MAST4: variants seen among roughly 807,000 people sequenced by gnomAD.
MAST4 encodes microtubule associated serine/threonine kinase family member 4, also known as microtubule-associated serine/threonine-protein kinase 4.
A neutral mutation model predicts 162.7 loss-of-function variants in MAST4; 89 were observed. The observed-to-expected ratio is 0.55, with a 90% confidence interval of 0.46 to 0.65. MAST4 has a LOEUF of 0.65. Ranked by LOEUF, MAST4 falls within the 30% of genes least tolerant of loss-of-function variation. MAST4 has a pLI of 0.00. For synonymous variants in MAST4, 1,479 were observed against 1,361.1 expected, an observed-to-expected ratio of 1.09 and a Z score of -1.91; for missense variants, 3,153 against 3,374.0, an observed-to-expected ratio of 0.93 and a Z score of 1.62.
rs551935921 is a variant in MAST4 at position 66,621,616 on chromosome 5, T to TA, written c.363+24605dup. On this transcript the variant is annotated intron_variant, in intron 1 of 28. Coordinates refer to ENST00000403625, the MANE Select transcript of MAST4 (RefSeq NM_001164664.2). The stretch of plus-strand genomic sequence containing the variant: ...TTGCATATTTCACAATAAAAATGGT[T>TA]AAAAAAAGTCACTAGTGTATTCTAG... Among the ~76,000 whole-genome samples, 330 of 152,272 alleles carry TA rather than the reference T, an allele frequency of 2.2e-3. 2 individuals carry two copies. Among genetic ancestry groups the TA allele is most frequent in the African/African-American group, 7.5e-3 (310 of 41,554 alleles).
chr5:66,808,713 C>T (rs1283330192), intron 3 of MAST4, among the ~76,000 whole-genome samples: 1 of 152,124 alleles, frequency 6.6e-6, no homozygotes, highest in Non-Finnish European at 1.5e-5. Flanking sequence ...TTTGGTAGTG[C>T]CTGATCCCGT....
At chr5:66,698,010 A>G (rs1357889818) in intron 1 of MAST4, among the ~76,000 whole-genome samples, 3 of 148,908 alleles carry the variant, frequency 2.0e-5, no homozygotes, top group Non-Finnish European at 4.5e-5. Context: ...CTGTCCTTCC[A>G]CTCGTGTGTA....
chr5:66,898,282 A>T (rs1193326993), intron 3 of MAST4, among the ~76,000 whole-genome samples: 1 of 152,176 alleles, frequency 6.6e-6, no homozygotes, highest in African/African-American at 2.4e-5. Flanking sequence ...ACCTCATCCT[A>T]AAAATAAATA....
At chr5:67,133,486 T>C in intron 16 of MAST4, 28 bp from the exon 17 acceptor site, 1 of 1,610,448 alleles carries the variant, frequency 6.2e-7, no homozygotes, top group Non-Finnish European at 8.5e-7. Context: ...AAAGTGATTA[T>C]TGTGTTACAT....
intron 2 of MAST4, among the ~76,000 whole-genome samples, chr5:66,761,091 A>T (rs1165117809): frequency 6.6e-6 from 1 of 152,232 alleles, no homozygotes; most frequent in Non-Finnish European, 1.5e-5. Flanking sequence ...TGCCAGTTTT[A>T]AAAATTTTAG....
chr5:66,942,358 G>A (rs1449481080), intron 4 of MAST4, among the ~76,000 whole-genome samples: 1 of 152,154 alleles, frequency 6.6e-6, no homozygotes, highest in Non-Finnish European at 1.5e-5. Flanking sequence ...GTATGTGCAT[G>A]TTTCTGATAG....
intron 3 of MAST4, among the ~76,000 whole-genome samples, chr5:66,840,855 T>C (rs570819574): frequency 1.3e-5 from 2 of 152,110 alleles, no homozygotes; most frequent in African/African-American, 2.4e-5. Flanking sequence ...GACCTACAAA[T>C]GTGAGAATAA....
chr5:66,884,206 TTA>T (rs1446249234), intron 3 of MAST4, among the ~76,000 whole-genome samples: 4 of 152,214 alleles, frequency 2.6e-5, no homozygotes, highest in African/African-American at 9.7e-5. Flanking sequence ...GCACCAGAGA[TTA>T]TGTTACTTGC....
At chr5:66,753,422 AAAG>A (rs1351909963) in intron 1 of MAST4, among the ~76,000 whole-genome samples, 6 of 151,568 alleles carry the variant, frequency 4.0e-5, no homozygotes, top group African/African-American at 7.3e-5. Flanking sequence ...ATAAAGAAAA[AAAG>A]AGAGAAGAAT....
At chr5:67,065,226 A>G (rs538357290) in intron 5 of MAST4, among the ~76,000 whole-genome samples, 1 of 152,112 alleles carries the variant, frequency 6.6e-6, no homozygotes, top group African/African-American at 2.4e-5. Flanking sequence ...TAAAAGGTAC[A>G]TTTAAAATTC....
Position 67,167,837 on chromosome 5 carries a change from G to A in MAST4, c.*786G>A, listed in dbSNP as rs1452816413. ...GGATCCCTGGTCCAACTGTCTAAAAGGCCAGTTGTTCCTTTCTGTGGATGT... is the reference window on the plus strand; with the variant it reads ...GGATCCCTGGTCCAACTGTCTAAAAAGCCAGTTGTTCCTTTCTGTGGATGT... On this transcript the variant is annotated 3_prime_UTR_variant, in exon 29 of 29. Coordinates refer to ENST00000403625, the MANE Select transcript of MAST4 (RefSeq NM_001164664.2). 6.6e-6 allele frequency: 1 copy of A among 152,242 alleles called. No individual in the cohort carries two copies. The highest frequency in any genetic ancestry group is 1.9e-4 in the East Asian group (1 of 5,198). The allele number at this position is 152,242 out of a possible 1,614,324, so 9.4% of individuals were successfully genotyped here. A position where few individuals can be genotyped will look rare whatever the true frequency, so the allele number is the denominator to read the frequency against.
At chr5:66,851,722 A>G (rs1404721066) in intron 3 of MAST4, among the ~76,000 whole-genome samples, 9 of 152,128 alleles carry the variant, frequency 5.9e-5, no homozygotes, top group Non-Finnish European at 1.0e-4. Flanking sequence ...TGGAGCCCCT[A>G]TTTGTATCAG....
In MAST4 at chr5:66,693,466, T is replaced by C. The variant is rs376927994; in HGVS notation, c.364-66243T>C. On this transcript the variant is annotated intron_variant, in intron 1 of 28. Coordinates refer to ENST00000403625, the MANE Select transcript of MAST4 (RefSeq NM_001164664.2). ...GAAATGAAATTGTTGAACTACCAAG[T>C]GTGTGTTTTGTTTTCACTTCACCAC... Among the ~76,000 whole-genome samples, 9 of 152,200 alleles carry C rather than the reference T, an allele frequency of 5.9e-5. No individual in the cohort carries two copies. The East Asian group carries it at 1.3e-3, about 23-fold the overall frequency.
intron 27 of MAST4, 73 bp from the exon 28 acceptor site, chr5:67,162,534 G>A: frequency 1.4e-6 from 2 of 1,412,284 alleles, no homozygotes; most frequent in African/African-American, 2.8e-5. Flanking sequence ...ATTGAGCTGA[G>A]CACAATGGTA....
intron 14 of MAST4, among the ~76,000 whole-genome samples, chr5:67,122,787 A>T (rs990234174): frequency 5.3e-5 from 8 of 152,124 alleles, no homozygotes; most frequent in Non-Finnish European, 1.2e-4. Flanking sequence ...GTGCAATTAA[A>T]CCACTGTATA....
intron 26 of MAST4, among the ~76,000 whole-genome samples, chr5:67,153,866 G>T (rs1772150973): frequency 6.6e-6 from 1 of 152,068 alleles, no homozygotes; most frequent in African/African-American, 2.4e-5. Context: ...ACATCTATTT[G>T]GAGAGTCACC....
intron 4 of MAST4, among the ~76,000 whole-genome samples, chr5:67,050,703 C>T (rs1219487369): frequency 6.6e-6 from 1 of 152,182 alleles, no homozygotes; most frequent in Non-Finnish European, 1.5e-5. Flanking sequence ...ACTGTCTTCT[C>T]AGCCTAAATT....
At chr5:66,775,791 C>G (rs1306782982) in intron 2 of MAST4, among the ~76,000 whole-genome samples, 1 of 151,980 alleles carries the variant, frequency 6.6e-6, no homozygotes. Context: ...AAGTAGGGAC[C>G]TTTAACAAAT....
chr5:67,023,366 C>A (rs980291334), intron 4 of MAST4, among the ~76,000 whole-genome samples: 2 of 152,092 alleles, frequency 1.3e-5, no homozygotes, highest in African/African-American at 2.4e-5. Context: ...TGGGCCTTGA[C>A]CTACTTGGAC....
Sources: gnomAD v4.1 joint callset for allele counts (sites outside exome capture counted in the v4.1 genomes callset) on GRCh38, gnomAD v4.1.1 for gene constraint, MANE v1.5 for transcripts, NCBI Gene and HGNC (gene_info 2026-07-23, HGNC 2026-07-21) for gene names.